Variants in QDPR observed in about 807,000 individuals in gnomAD.
QDPR encodes dihydropteridine reductase.
QDPR carries 23 observed loss-of-function variants against 31.7 expected under a neutral mutation model. The ratio of observed to expected loss-of-function variants is 0.73; its 90% CI spans 0.52 to 1.03. QDPR has a LOEUF of 1.03. Ranked by LOEUF, QDPR falls within the 50% of genes least tolerant of loss-of-function variation. The pLI is 0.00. For synonymous variants in QDPR, 124 were observed against 124.7 expected, an observed-to-expected ratio of 0.99 and a Z score of 0.03; for missense variants, 324 against 323.8, an observed-to-expected ratio of 1.00 and a Z score of 0.00.
intron 4 of QDPR, 27 bp from the exon 5 acceptor site, chr4:17,492,367 G>A: frequency 6.3e-7 from 1 of 1,576,524 alleles, no homozygotes; most frequent in Non-Finnish European, 8.7e-7. Flanking sequence ...AGATGGCTCA[G>A]TGACCACTGG....
chr4:17,487,224 G>A lies in QDPR; in HGVS notation c.642C>T (p.Asp214=), dbSNP rs1442414476. Residue 214 remains aspartate, a synonymous_variant, in exon 7 of 7, where the codon GAC becomes GAT. Transcript: ENST00000281243. ...TCGGTCGGTTTTTCCCTGTGATCCA[G>A]TCATGGAAAGTTCTGGAACAGAAAA... ...PLEFLVETFH[D]WITGKNRPSS... 1.9e-6 allele frequency: 3 copies of A among 1,612,930 alleles called. No homozygotes were observed. Among genetic ancestry groups the A allele is most frequent in the Non-Finnish European group, 2.5e-6 (3 of 1,179,460 alleles).
At chr4:17,506,138 G>C (rs1251796877) in intron 2 of QDPR, among the ~76,000 whole-genome samples, 1 of 152,044 alleles carries the variant, frequency 6.6e-6, no homozygotes, top group Non-Finnish European at 1.5e-5. Flanking sequence ...TTTATTTTTT[G>C]TTTGTTTTTT....
At chr4:17,503,387 T>G (rs1455525011) in intron 3 of QDPR, among the ~76,000 whole-genome samples, 2 of 152,218 alleles carry the variant, frequency 1.3e-5, no homozygotes, top group African/African-American at 4.8e-5. Flanking sequence ...TCTTAGATAA[T>G]CACTGTTAAC....
chr4:17,509,465 G>A (rs146500452), intron 1 of QDPR, 102 bp from the exon 2 acceptor site: 25 of 1,012,892 alleles, frequency 2.5e-5, no homozygotes, highest in East Asian at 2.0e-4. Context: ...AGTGGTTCAC[G>A]TCTGTAATGC....
intron 1 of QDPR, chr4:17,510,026 G>C: frequency 2.2e-6 from 1 of 450,974 alleles, no homozygotes; most frequent in Non-Finnish European, 4.4e-6. Flanking sequence ...AATAAGTGCA[G>C]CTGTGTTCCA....
At chr4:17,488,898 TG>T (rs1467986638) in intron 6 of QDPR, among the ~76,000 whole-genome samples, 12 of 152,198 alleles carry the variant, frequency 7.9e-5, no homozygotes, top group Admixed American at 6.5e-4. Flanking sequence ...GCCTCATCTC[TG>T]GGGACAGGGT....
intron 4 of QDPR, among the ~76,000 whole-genome samples, chr4:17,496,380 G>A (rs940337696): frequency 2.9e-5 from 4 of 140,196 alleles, no homozygotes; most frequent in Admixed American, 7.7e-5. Flanking sequence ...GGAGTCAGAC[G>A]TTGCGGTGAG....
At chr4:17,507,171 G>C (rs541485799) in intron 2 of QDPR, among the ~76,000 whole-genome samples, 90 of 152,288 alleles carry the variant, frequency 5.9e-4, no homozygotes, top group African/African-American at 1.9e-3. Flanking sequence ...CCCACGTACA[G>C]ACCAAGTGGC....
intron 1 of QDPR, chr4:17,509,889 A>C (rs1000234079): frequency 8.8e-6 from 4 of 453,978 alleles, no homozygotes; most frequent in Non-Finnish European, 1.8e-5. Flanking sequence ...TTCTAGAGAC[A>C]TCAAGGGCCA....
intron 1 of QDPR, among the ~76,000 whole-genome samples, 198 bp from the exon 2 acceptor site, chr4:17,509,561 AC>A (rs892188246): frequency 2.6e-5 from 4 of 152,086 alleles, no homozygotes; most frequent in African/African-American, 9.7e-5. Context: ...CCCAGTCCCT[AC>A]AAAAAAATTT....
intron 4 of QDPR, among the ~76,000 whole-genome samples, chr4:17,496,994 C>T (rs1718383647): frequency 6.6e-6 from 1 of 152,116 alleles, no homozygotes; most frequent in South Asian, 2.1e-4. Context: ...GGTGAACCAC[C>T]CGCTGTGGCC....
intron 4 of QDPR, 145 bp downstream of exon 4, chr4:17,501,574 G>T (rs1449132126): frequency 6.2e-6 from 6 of 962,942 alleles, no homozygotes; most frequent in Non-Finnish European, 9.5e-6. Context: ...AAATGATTCA[G>T]GCCCAAAAGA....
chr4:17,493,122 G>A (rs549529461), intron 4 of QDPR, among the ~76,000 whole-genome samples: 1 of 152,294 alleles, frequency 6.6e-6, no homozygotes, highest in Admixed American at 6.5e-5. Context: ...TAAGTCTCCA[G>A]ACACCAACTG....
At chr4:17,505,243 CTTTTTTT>C (rs1230268105) in intron 2 of QDPR, among the ~76,000 whole-genome samples, 10 of 103,298 alleles carry the variant, frequency 9.7e-5, no homozygotes, top group South Asian at 7.3e-4. Context: ...CTTAAGATTT[CTTTTTTT>C]TTTTTTTTTT....
chr4:17,503,412 T>A (rs1345905089), intron 3 of QDPR, among the ~76,000 whole-genome samples: 2 of 152,206 alleles, frequency 1.3e-5, no homozygotes, highest in African/African-American at 4.8e-5. Flanking sequence ...TTAGGTACAA[T>A]GGTACCATAA....
intron 3 of QDPR, 87 bp downstream of exon 3, chr4:17,504,292 C>T (rs1718675052): frequency 8.9e-7 from 1 of 1,127,092 alleles, no homozygotes; most frequent in Non-Finnish European, 1.3e-6. Flanking sequence ...AAAAAAACAG[C>T]TGGCCTGTCA....
chr4:17,492,160 ACAGT>A lies in QDPR; in HGVS notation c.545+68_545+71del. On this transcript the variant is annotated intron_variant, in intron 5 of 6. Transcript: ENST00000281243. ...ACACCCAGGTCGCCTGTGGAAAGCT[ACAGT>A]CAGACAAACGGTCACCTGCAGCAGT... The A allele has an allele frequency of 6.0e-6, 8 of 1,325,790 alleles. 1 individual carries two copies. The South Asian group carries it at 8.5e-5, about 14-fold the overall frequency. 82.1% of individuals were successfully genotyped at this position (1,325,790 alleles called of 1,614,324 possible). A position where few individuals can be genotyped will look rare whatever the true frequency, so the allele number is the denominator to read the frequency against.
intron 4 of QDPR, among the ~76,000 whole-genome samples, chr4:17,492,912 C>T (rs1718220441): frequency 6.6e-6 from 1 of 152,130 alleles, no homozygotes; most frequent in Non-Finnish European, 1.5e-5. Context: ...GAGCACCTGG[C>T]ACACAGAGGT....
intron 4 of QDPR, among the ~76,000 whole-genome samples, chr4:17,498,304 C>T (rs1437356163): frequency 6.6e-6 from 1 of 152,190 alleles, no homozygotes; most frequent in African/African-American, 2.4e-5. Context: ...GGGTCAAGGT[C>T]TCAAAGAGCT....
Sources: gnomAD v4.1 joint callset for allele counts (sites outside exome capture counted in the v4.1 genomes callset) on GRCh38, gnomAD v4.1.1 for gene constraint, MANE v1.5 for transcripts, NCBI Gene and HGNC (gene_info 2026-07-23, HGNC 2026-07-21) for gene names.